NLRP3: variants seen among roughly 807,000 people sequenced by gnomAD.
NLRP3 encodes NLR family pyrin domain containing 3, also known as NACHT, LRR and PYD domains-containing protein 3.
NLRP3 carries 48 observed loss-of-function variants against 91.3 expected under a neutral mutation model. The observed-to-expected ratio is 0.53, with a 90% confidence interval of 0.42 to 0.67. NLRP3 has a LOEUF of 0.67. Ranked by LOEUF, NLRP3 falls within the 30% of genes least tolerant of loss-of-function variation. The pLI is 0.00. For missense variants in NLRP3, 982 were observed against 1,276.9 expected (o/e 0.77, Z 3.52); for synonymous variants, 561 against 507.9 (o/e 1.10, Z -1.41).
At chr1:247,428,465 A>T (rs1284755219) in intron 4 of NLRP3, among the ~76,000 whole-genome samples, 1 of 152,238 alleles carries the variant, frequency 6.6e-6, no homozygotes, top group African/African-American at 2.4e-5. Flanking sequence ...GCTACAGGTG[A>T]TTCAAAGGTG....
intron 7 of NLRP3, among the ~76,000 whole-genome samples, chr1:247,439,049 C>CATCT: frequency 6.6e-6 from 1 of 151,966 alleles, no homozygotes; most frequent in Admixed American, 6.6e-5. Context: ...TCCATCCATC[C>CATCT]ATCCATCCAT....
chr1:247,429,692 A>T lies in NLRP3; in HGVS notation c.2258A>T (p.Asp753Val), dbSNP rs1309582315. ...GACCTCAGTGACAATTCTCTGGGGG[A>T]CCCAGGGATGAGAGTGTTGTGTGAA... is the stretch of plus-strand genomic sequence containing the variant. ...ELDLSDNSLG[D>V]PGMRVLCETL... Residue 753 changes from aspartate to valine, a missense_variant, in exon 5 of 10, where the codon GAC becomes GTC. Around this residue, in one of 5 missense-constraint regions of NLRP3, gnomAD observed 373 missense variants for 431.5 expected, o/e 0.86. Coordinates refer to ENST00000336119, the MANE Select transcript of NLRP3 (RefSeq NM_001243133.2). 3 of 1,613,866 alleles carry T rather than the reference A, an allele frequency of 1.9e-6. No individual in the cohort carries two copies. The highest frequency in any genetic ancestry group is 3.3e-5 in the Admixed American group (2 of 60,006).
chr1:247,433,248 C>T (rs1663480438), intron 5 of NLRP3, among the ~76,000 whole-genome samples: 1 of 151,964 alleles, frequency 6.6e-6, no homozygotes, highest in African/African-American at 2.4e-5. Flanking sequence ...ATCAGAGCTG[C>T]TTTTCCTTTC....
intron 7 of NLRP3, among the ~76,000 whole-genome samples, chr1:247,442,991 T>C (rs1212847916): frequency 6.6e-6 from 1 of 152,178 alleles, no homozygotes; most frequent in African/African-American, 2.4e-5. Flanking sequence ...GCAGTGGCAA[T>C]CTCGGCTCAC....
chr1:247,444,004 G>T lies in NLRP3; in HGVS notation c.2696G>T (p.Cys899Phe). The T allele has an allele frequency of 6.2e-7, 1 of 1,614,142 alleles. No homozygotes were observed. Residue 899 changes from cysteine (C) to phenylalanine (F), a missense_variant, in exon 8 of 10, where the codon TGT (cysteine) becomes TTT (phenylalanine). Physicochemically the swap from Cys to Phe is radical, Grantham distance 205. Coordinates refer to ENST00000336119, the MANE Select transcript of NLRP3 (RefSeq NM_001243133.2). ...AATTCTGGCCTTACGTCAGTCTGTT[G>T]TTCAGCTTTGTCCTCGGTACTCAGC... ...LVNSGLTSVC[C>F]SALSSVLSTN...
intron 5 of NLRP3, among the ~76,000 whole-genome samples, chr1:247,433,885 C>T (rs1663551314): frequency 2.8e-5 from 4 of 142,720 alleles, no homozygotes; most frequent in African/African-American, 7.9e-5. Flanking sequence ...TTCTGGAGCT[C>T]TCTGGTCAGA....
chr1:247,426,895 C>T (rs754381093), intron 4 of NLRP3, among the ~76,000 whole-genome samples: 2 of 152,112 alleles, frequency 1.3e-5, no homozygotes, highest in African/African-American at 2.4e-5. Flanking sequence ...TGGGGGCTTA[C>T]GGTGTTGAGA....
At position 247,448,423 on chromosome 1, in the gene NLRP3, C is replaced by T; in HGVS notation, c.3024C>T (p.Phe1008=). Residue 1008 remains phenylalanine (F), a synonymous_variant, in exon 10 of 10, where the codon TTC becomes TTT. Transcript: ENST00000336119. ...LQNLGLSEMY[F]NYETKSALET... is the part of the protein sequence containing the mutation. ...TTTACAGGTTGTCTGAAATGTATTTCAATTATGAGACAAAAAGTGCGTTAG... is the reference window on the plus strand; with the variant it reads ...TTTACAGGTTGTCTGAAATGTATTTTAATTATGAGACAAAAAGTGCGTTAG... 1 of 1,609,246 alleles carries T rather than the reference C, an allele frequency of 6.2e-7. No individual in the cohort carries two copies. Among genetic ancestry groups the T allele is most frequent in the Non-Finnish European group, 8.5e-7 (1 of 1,175,622 alleles).
intron 7 of NLRP3, among the ~76,000 whole-genome samples, chr1:247,438,378 G>GT (rs74163772): frequency 0.085 from 6,131 of 72,274 alleles, 383 homozygotes; most frequent in Non-Finnish European, 0.11. Context: ...GTTTAGTTGT[G>GT]TTTTTTTTTT....
rs773729435 is a variant in NLRP3 at position 247,423,981 on chromosome 1, C to T, written c.532C>T (p.Gln178Ter). ...RLRLIKEHRS[Q>*]QEREQELLAI... ...GCGTCTCATCAAGGAGCACCGGAGC[C>T]AGCAGGAGAGGGAGCAGGAGCTTCT... Residue 178 changes from glutamine (Q) to a stop codon, truncating the protein, a stop_gained, in exon 4 of 10, where the codon CAG becomes TAG. Coordinates refer to ENST00000336119, the MANE Select transcript of NLRP3 (RefSeq NM_001243133.2). LOFTEE classifies it high-confidence loss of function. 1 of 1,614,010 alleles carries T rather than the reference C, an allele frequency of 6.2e-7. No individual in the cohort carries two copies. Among genetic ancestry groups the T allele is most frequent in the Non-Finnish European group, 8.5e-7 (1 of 1,179,992 alleles).
intron 1 of NLRP3, 44 bp downstream of exon 1, chr1:247,416,237 G>C (rs1662068017): frequency 2.0e-5 from 3 of 152,504 alleles, no homozygotes; most frequent in African/African-American, 7.2e-5. Context: ...AGGACCGGGA[G>C]AGCAGTGGGG....
In NLRP3 at chr1:247,425,718, T is replaced by A. The variant is rs1294758890; in HGVS notation, c.2150+119T>A. The A allele has an allele frequency of 2.2e-6, 2 of 902,210 alleles. No homozygotes were observed. The highest frequency in any genetic ancestry group is 3.5e-6 in the Non-Finnish European group (2 of 565,898). The allele number at this position is 902,210 out of a possible 1,614,324, so 55.9% of individuals were successfully genotyped here. ...AAATACTGTTGCCACAGCTACATCA[T>A]AATGCCACCACTGTCTGTTTGAGAC... On this transcript the variant is annotated intron_variant, in intron 4 of 9. Transcript: ENST00000336119. This position sits in a 1 kb window ranked among gnomAD's most constrained non-coding sequence, Gnocchi z 4.1.
In NLRP3 at chr1:247,448,734, G is replaced by GTTC; in HGVS notation, c.*231_*232insTCT. 3 of 584,648 alleles carry GTTC rather than the reference G, an allele frequency of 5.1e-6. No individual in the cohort carries two copies. Among genetic ancestry groups the GTTC allele is most frequent in the Non-Finnish European group, 9.2e-6 (3 of 324,784 alleles). The allele number at this position is 584,648 out of a possible 1,614,324, so 36.2% of individuals were successfully genotyped here. A position where few individuals can be genotyped will look rare whatever the true frequency, so the allele number is the denominator to read the frequency against. ...GACAATGACAGCATCGGGTGTTGTT[G>GTTC]TCATCACAGCGCCTCAGTTAGAGGA... On this transcript the variant is annotated 3_prime_UTR_variant, in exon 10 of 10. Transcript: ENST00000336119.
chr1:247,419,042 T>C lies in NLRP3; in HGVS notation c.242T>C (p.Leu81Pro). 1 of 1,612,662 alleles carries C rather than the reference T, an allele frequency of 6.2e-7. No homozygotes were observed. The highest frequency in any genetic ancestry group is 8.5e-7 in the Non-Finnish European group (1 of 1,179,922). ...TTCGCTGCGATCAACAGGAGAGACC[T>C]TTATGAGAAAGCAAAAAGAGATGAG... ...WIFAAINRRD[L>P]YEKAKRDEPK... Residue 81 changes from leucine to proline, a missense_variant, in exon 2 of 10, where the codon CTT becomes CCT. Around this residue, in one of 5 missense-constraint regions of NLRP3, gnomAD observed 548 missense variants for 713.7 expected, o/e 0.77. Coordinates refer to ENST00000336119, the MANE Select transcript of NLRP3 (RefSeq NM_001243133.2).
chr1:247,442,372 T>C (rs138162641), intron 7 of NLRP3, among the ~76,000 whole-genome samples: 16 of 152,364 alleles, frequency 1.1e-4, no homozygotes, highest in African/African-American at 2.9e-4. Flanking sequence ...CCTGCGCTAT[T>C]CCTGGCTTCA....
intron 4 of NLRP3, among the ~76,000 whole-genome samples, chr1:247,429,148 C>T (rs1663123878): frequency 6.6e-6 from 1 of 152,192 alleles, no homozygotes; most frequent in African/African-American, 2.4e-5. Context: ...CCGCCTCGGC[C>T]TCCCAAAGTG....
At chr1:247,436,397 C>T (rs934525201) in intron 7 of NLRP3, among the ~76,000 whole-genome samples, 2 of 152,126 alleles carry the variant, frequency 1.3e-5, no homozygotes, top group Non-Finnish European at 2.9e-5. Flanking sequence ...AGCCCAATTG[C>T]CTGTTGAGGG....
At chr1:247,437,974 A>T (rs943441429) in intron 7 of NLRP3, among the ~76,000 whole-genome samples, 3 of 152,236 alleles carry the variant, frequency 2.0e-5, no homozygotes, top group Admixed American at 6.5e-5. Flanking sequence ...CAAATTCCAC[A>T]TGACAAACAA....
Position 247,424,626 on chromosome 1 carries a change from G to A in NLRP3, c.1177G>A (p.Ala393Thr), listed in dbSNP as rs758856504. Residue 393 changes from alanine (A) to threonine (T), a missense_variant, in exon 4 of 10, where the codon GCC becomes ACC. This residue lies in a region of NLRP3 where 548 missense variants were observed against 713.7 expected (regional missense o/e 0.77). Coordinates refer to ENST00000336119, the MANE Select transcript of NLRP3 (RefSeq NM_001243133.2). The surrounding 1 kb of genome is among the most constrained non-coding windows in gnomAD (Gnocchi z 8.1). The stretch of plus-strand genomic sequence containing the variant: ...CTCTGATGAGGCCCAAGCCAGGGCA[G>A]CCTTCAGTCTGATTCAGGAGAACGA... Reference protein sequence around the residue: ...YFSDEAQARAAFSLIQENEVL... With the variant: ...YFSDEAQARATFSLIQENEVL... 1.2e-6 allele frequency: 2 copies of A among 1,614,252 alleles called. No individual in the cohort carries two copies. Among genetic ancestry groups the A allele is most frequent in the South Asian group, 1.1e-5 (1 of 91,090 alleles).
Sources: gnomAD v4.1 joint callset for allele counts (sites outside exome capture counted in the v4.1 genomes callset) on GRCh38, gnomAD v4.1.1 for gene constraint, gnomAD v4.1.1 regional missense constraint, Gnocchi (gnomAD v3.1) non-coding constraint, MANE v1.5 for transcripts, NCBI Gene and HGNC (gene_info 2026-07-23, HGNC 2026-07-21) for gene names.